Variants in KMT2C observed in about 807,000 individuals in gnomAD.
KMT2C encodes the protein histone-lysine N-methyltransferase 2C.
KMT2C carries 88 observed loss-of-function variants against 507.9 expected under a neutral mutation model. The ratio of observed to expected loss-of-function variants is 0.17; its 90% CI spans 0.15 to 0.21. The LOEUF (loss-of-function observed/expected upper bound fraction) is 0.21, where lower values mean the gene tolerates loss of function less well. Among genes scored for constraint, KMT2C ranks in the 10% least tolerant of loss-of-function variants. The pLI is 1.00. For missense variants in KMT2C, 4,954 were observed against 5,957.8 expected (o/e 0.83, Z 5.55); for synonymous variants, 2,049 against 2,080.8 (o/e 0.98, Z 0.42).
chr7:152,227,621 A>C, intron 18 of KMT2C, among the ~76,000 whole-genome samples: 1 of 152,224 alleles, frequency 6.6e-6, no homozygotes, highest in Non-Finnish European at 1.5e-5. Context: ...AGCAGAGTAC[A>C]ATCAATGGCC....
intron 1 of KMT2C, among the ~76,000 whole-genome samples, chr7:152,360,797 C>T (rs368514334): frequency 6.0e-5 from 9 of 150,166 alleles, no homozygotes; most frequent in African/African-American, 2.0e-4. Flanking sequence ...TGCGGTGAGC[C>T]GAGATTGCAC....
intron 3 of KMT2C, among the ~76,000 whole-genome samples, chr7:152,325,904 GGTCT>G (rs941573596): frequency 1.1e-4 from 16 of 150,372 alleles, no homozygotes; most frequent in East Asian, 1.9e-4. Context: ...GAATAAATTA[GGTCT>G]TTCTTTTTTT....
chr7:152,226,552 C>T (rs182537067), intron 18 of KMT2C, among the ~76,000 whole-genome samples: 56 of 152,170 alleles, frequency 3.7e-4, no homozygotes, highest in African/African-American at 1.3e-3. Flanking sequence ...CTTTTAATGT[C>T]ATTTGATTTT....
At chr7:152,407,891 G>A (rs564109623) in intron 1 of KMT2C, among the ~76,000 whole-genome samples, 3 of 152,320 alleles carry the variant, frequency 2.0e-5, no homozygotes, top group East Asian at 3.9e-4. Flanking sequence ...TATACTATTA[G>A]TTACATTTAA....
Position 152,146,616 on chromosome 7 carries a change from C to T in KMT2C, c.14014G>A (p.Ala4672Thr), listed in dbSNP as rs1308008729. 1 of 1,614,206 alleles carries T rather than the reference C, an allele frequency of 6.2e-7. No homozygotes were observed. The highest frequency in any genetic ancestry group is 1.1e-5 in the South Asian group (1 of 91,082). The stretch of plus-strand genomic sequence containing the variant: ...ACACTCACTGATTCCGCTATGCGTG[C>T]CACTGCAGAGACGGTCAGGCCAAAC... ...DLFGLTVSAV[A>T]RIAESLPGVE... Residue 4672 changes from alanine (A) to threonine (T), a missense_variant, in exon 53 of 59, where the codon GCA becomes ACA. Ala to Thr is a moderately conservative substitution (Grantham distance 58). Around this residue, in one of 29 missense-constraint regions of KMT2C, gnomAD observed 221 missense variants for 304.7 expected, o/e 0.73. Transcript: ENST00000262189.
chr7:152,368,333 A>C, intron 1 of KMT2C: 1 of 1,200,732 alleles, frequency 8.3e-7, no homozygotes, highest in Non-Finnish European at 1.2e-6. Context: ...AACAAGAATA[A>C]AGGGCAGCTG....
chr7:152,370,560 G>C (rs1237906756), intron 1 of KMT2C, among the ~76,000 whole-genome samples: 1 of 152,124 alleles, frequency 6.6e-6, no homozygotes, highest in Non-Finnish European at 1.5e-5. Flanking sequence ...ACAGTACAAA[G>C]AAGCAAAACT....
At chr7:152,342,077 A>T (rs2129220272) in intron 2 of KMT2C, among the ~76,000 whole-genome samples, 1 of 152,358 alleles carries the variant, frequency 6.6e-6, no homozygotes, top group South Asian at 2.1e-4. Context: ...AAGTGTACTG[A>T]CAAAGCAAAA....
intron 1 of KMT2C, among the ~76,000 whole-genome samples, chr7:152,381,639 A>T (rs2097374966): frequency 6.6e-6 from 1 of 152,294 alleles, no homozygotes; most frequent in South Asian, 2.1e-4. Context: ...ATAATTTGGC[A>T]AGTAGAAGTA....
chr7:152,205,016 A>G, intron 25 of KMT2C, 90 bp downstream of exon 25: 1 of 762,792 alleles, frequency 1.3e-6, no homozygotes, highest in Non-Finnish European at 2.1e-6. Context: ...TATTGACTGT[A>G]ACATTATTTA....
chr7:152,358,758 A>T, intron 1 of KMT2C, 83 bp from the exon 2 acceptor site: 1 of 834,288 alleles, frequency 1.2e-6, no homozygotes. Flanking sequence ...CATAAGGCAC[A>T]ATTTGAAGGT....
rs148276761 is a variant in KMT2C, at chr7:152,252,024, A to G, written c.1536T>C (p.Tyr512=). ...CCAGGTGTTTACAATACATGCAGAT[A>G]TACTCTTCTTTGAGCTGAGTATCCA... ...HELDTQLKEE[Y]ICMYCKHLGA... Residue 512 remains tyrosine, a synonymous_variant, in exon 11 of 59, where the codon TAT becomes TAC. Transcript: ENST00000262189. 7.1e-5 allele frequency: 115 copies of G among 1,612,930 alleles called. No individual in the cohort carries two copies. The African/African-American group carries it at 1.4e-3, about 20-fold the overall frequency.
chr7:152,318,061 C>G (rs1221426009), intron 3 of KMT2C, among the ~76,000 whole-genome samples: 7 of 151,856 alleles, frequency 4.6e-5, no homozygotes, highest in Non-Finnish European at 1.0e-4. Flanking sequence ...TCACTTAAAC[C>G]CAGGAGGCGG....
intron 26 of KMT2C, among the ~76,000 whole-genome samples, chr7:152,201,295 C>CACAG (rs1554522603): frequency 3.3e-5 from 3 of 89,946 alleles, no homozygotes; most frequent in Admixed American, 9.6e-5. Flanking sequence ...CAGACACAGA[C>CACAG]ACACACACAC....
chr7:152,148,041 G>T lies in KMT2C; in HGVS notation c.13886C>A (p.Ser4629Ter). 1 of 1,581,408 alleles carries T rather than the reference G, an allele frequency of 6.3e-7. No homozygotes were observed. The highest frequency in any genetic ancestry group is 1.1e-5 in the South Asian group (1 of 87,410). ...TGAACGGCAGACGTTACCTTTAGGT[G>T]AGATGTCACTTAGAACCAGGTCTTC... ...GHEDLVLSDI[S>*]PKGVWDKILE... Residue 4629 changes from serine (S) to a stop codon, truncating the protein, a stop_gained, in exon 52 of 59, where the codon TCA becomes TAA. Transcript: ENST00000262189. LOFTEE classifies it high-confidence loss of function. This position sits in a 1 kb window ranked among gnomAD's most constrained non-coding sequence, Gnocchi z 7.1.
chr7:152,209,107 C>T (rs1364691464), intron 23 of KMT2C, among the ~76,000 whole-genome samples: 1 of 146,230 alleles, frequency 6.8e-6, no homozygotes, highest in Admixed American at 7.1e-5. Context: ...TTCAGTGAGC[C>T]GAGATTGTGC....
chr7:152,337,580 C>G (rs538496311), intron 2 of KMT2C, among the ~76,000 whole-genome samples: 1 of 152,214 alleles, frequency 6.6e-6, no homozygotes, highest in East Asian at 1.9e-4. Flanking sequence ...CCAATGGTTC[C>G]GAGTCTGCAT....
intron 1 of KMT2C, among the ~76,000 whole-genome samples, chr7:152,370,652 G>A (rs2097286943): frequency 6.6e-6 from 1 of 152,126 alleles, no homozygotes; most frequent in African/African-American, 2.4e-5. Flanking sequence ...CATAAGAAGA[G>A]TAATATACCA....
intron 23 of KMT2C, chr7:152,220,269 T>A (rs923708341): frequency 2.6e-4 from 124 of 476,526 alleles, no homozygotes; most frequent in Middle Eastern, 5.6e-4. Flanking sequence ...GTTCCCCACC[T>A]GTGATCTTCA....
Sources: allele counts gnomAD v4.1 joint callset (sites outside exome capture counted in the v4.1 genomes callset), GRCh38; gene constraint gnomAD v4.1.1; regional missense constraint gnomAD v4.1.1; non-coding constraint Gnocchi (gnomAD v3.1); transcripts MANE v1.5; gene names NCBI Gene and HGNC (gene_info 2026-07-23, HGNC 2026-07-21).